Variants in NPHS1 observed in about 807,000 individuals in gnomAD.
NPHS1 encodes nephrin.
A neutral mutation model predicts 139.7 loss-of-function variants in NPHS1; 107 were observed. The ratio of observed to expected loss-of-function variants is 0.77; its 90% CI spans 0.66 to 0.90. The LOEUF (loss-of-function observed/expected upper bound fraction) is 0.90, where lower values mean the gene tolerates loss of function less well. Among genes scored for constraint, NPHS1 ranks in the 40% least tolerant of loss-of-function variants. NPHS1 has a pLI of 0.00. For missense variants in NPHS1, 1,580 were observed against 1,654.2 expected (o/e 0.96, Z 0.78); for synonymous variants, 707 against 706.6 (o/e 1.00, Z -0.01).
rs1973124075 is a variant in NPHS1, at chr19:35,845,480, C to A, written c.1818G>T (p.Arg606Ser). The change falls in exon 14 of 29, where the codon AGG becomes AGT. Residue 606 changes from arginine to serine, a missense_variant. Coordinates refer to ENST00000378910, the MANE Select transcript of NPHS1 (RefSeq NM_004646.4). This position sits in a 1 kb window ranked among gnomAD's most constrained non-coding sequence, Gnocchi z 5.5. ...RAPFKGSAAA[R>S]SVLLQVSSRD... ...GGGATGACACTTGCAGAAGGACGCT[C>A]CTGGCGGCGGCGGAGCCTTTGAATG... 2.0e-5 allele frequency: 32 copies of A among 1,613,850 alleles called. No individual in the cohort carries two copies. Among genetic ancestry groups the A allele is most frequent in the Non-Finnish European group, 2.6e-5 (31 of 1,179,960 alleles).
rs546810048 is a variant in NPHS1 at position 35,843,546 on chromosome 19, C to A, written c.2260G>T (p.Gly754Trp). ...GTGCAGACTATGTCCACAGAACCCC[C>A]GACGTTCACCTCAGTGGGGTCCTGG... is the stretch of plus-strand genomic sequence containing the variant. ...ALQDPTEVNV[G>W]GSVDIVCTVD... Residue 754 changes from glycine (G) to tryptophan (W), a missense_variant, in exon 17 of 29, where the codon GGG (glycine) becomes TGG (tryptophan). Coordinates refer to ENST00000378910, the MANE Select transcript of NPHS1 (RefSeq NM_004646.4). 1 of 1,614,114 alleles carries A rather than the reference C, an allele frequency of 6.2e-7. No individual in the cohort carries two copies. Among genetic ancestry groups the A allele is most frequent in the Admixed American group, 1.7e-5 (1 of 60,026 alleles).
intron 11 of NPHS1, among the ~76,000 whole-genome samples, chr19:35,847,608 G>A (rs577510977): frequency 4.9e-5 from 7 of 141,928 alleles, no homozygotes; most frequent in South Asian, 2.3e-4. Context: ...CGTCTACCTC[G>A]GCCTCCTAAA....
At position 35,850,989 on chromosome 19, in the gene NPHS1, C is replaced by T. The variant is rs1973237311; in HGVS notation, c.498G>A (p.Lys166=). 6.2e-7 allele frequency: 1 copy of T among 1,613,960 alleles called. No individual in the cohort carries two copies. Among genetic ancestry groups the T allele is most frequent in the Non-Finnish European group, 8.5e-7 (1 of 1,180,000 alleles). The change falls in exon 4 of 29, where the codon AAG becomes AAA. Residue 166 remains lysine, a synonymous_variant. Coordinates refer to ENST00000378910, the MANE Select transcript of NPHS1 (RefSeq NM_004646.4). ...GGAGAATGGTGATGTCAGGTGCTGG[C>T]TTCGCGTCCCCAGACACACAGTTGA... The part of the protein sequence containing the change: ...YVVNCVSGDA[K]PAPDITILLS...
At position 35,843,955 on chromosome 19, in the gene NPHS1, G is replaced by A. The variant is rs1973096495; in HGVS notation, c.2212+148C>T. On this transcript the variant is annotated intron_variant, in intron 16 of 28. Transcript: ENST00000378910. ...TAGTGGGAGGGGTTCCGCAGTGGGC[G>A]TGGTTACACCGCGGCTGGGACTTCC... The A allele has an allele frequency of 3.9e-5, 44 of 1,122,880 alleles. No homozygotes were observed. In the South Asian group the frequency reaches 6.4e-4, roughly 16 times the overall value. The allele number at this position is 1,122,880 out of a possible 1,614,324, so 69.6% of individuals were successfully genotyped here. A position where few individuals can be genotyped will look rare whatever the true frequency, so the allele number is the denominator to read the frequency against.
rs145125791 is a variant in NPHS1 at position 35,850,409 on chromosome 19, T to A, written c.563A>T (p.Asn188Ile). 8.0e-3 allele frequency: 12,899 copies of A among 1,614,106 alleles called. 69 individuals carry two copies. The highest frequency in any genetic ancestry group is 0.01 in the Middle Eastern group (61 of 6,060). ...QTISDISANV[N>I]EGSQQKLFTV... ...GAAGAGTTTCTGCTGGGAGCCCTCG[T>A]TCACGTTTGCAGAGATGTCAGATAT... Residue 188 changes from asparagine (N) to isoleucine (I), a missense_variant, in exon 5 of 29, where the codon AAC (asparagine) becomes ATC (isoleucine). Physicochemically the swap from Asn to Ile is moderately radical, Grantham distance 149. Coordinates refer to ENST00000378910, the MANE Select transcript of NPHS1 (RefSeq NM_004646.4).
chr19:35,841,938 C>T, intron 19 of NPHS1, 72 bp from the exon 20 acceptor site: 1 of 1,489,848 alleles, frequency 6.7e-7, no homozygotes, highest in South Asian at 1.2e-5. Flanking sequence ...ATCTATGCAT[C>T]CATCCATTAA....
At chr19:35,833,673 A>AT (rs1167795694) in intron 23 of NPHS1, among the ~76,000 whole-genome samples, 1 of 151,934 alleles carries the variant, frequency 6.6e-6, no homozygotes, top group African/African-American at 2.4e-5. Context: ...CACACTTGGA[A>AT]TTTTTTATTT....
chr19:35,849,232 T>C lies in NPHS1; in HGVS notation c.840+4A>G. On this transcript the variant is annotated splice_donor_region_variant and intron_variant, in intron 7 of 28. Coordinates refer to ENST00000378910, the MANE Select transcript of NPHS1 (RefSeq NM_004646.4). ...CCATTCCCCATGCCCGCGTTTGCCC[T>C]CACCTTCAGCCACTGCAGTGTGGCT... 1 of 1,613,858 alleles carries C rather than the reference T, an allele frequency of 6.2e-7. No individual in the cohort carries two copies. Among genetic ancestry groups the C allele is most frequent in the Non-Finnish European group, 8.5e-7 (1 of 1,180,022 alleles).
intron 19 of NPHS1, 31 bp from the exon 20 acceptor site, chr19:35,841,897 T>C: frequency 6.3e-7 from 1 of 1,584,518 alleles, no homozygotes; most frequent in East Asian, 2.3e-5. Context: ...CACTCACCCT[T>C]CCATTCACCC....
chr19:35,843,192 A>G (rs1238953326), intron 17 of NPHS1, among the ~76,000 whole-genome samples: 1 of 151,876 alleles, frequency 6.6e-6, no homozygotes, highest in Non-Finnish European at 1.5e-5. Context: ...TCACTTGTCC[A>G]TCTGTTCCTC....
In NPHS1 at chr19:35,845,154, CA is replaced by C. The variant is rs1464126352; in HGVS notation, c.1930+213del. Among the ~76,000 whole-genome samples the C allele has an allele frequency of 6.6e-6, 1 of 152,132 alleles. No homozygotes were observed. The highest frequency in any genetic ancestry group is 1.5e-5 in the Non-Finnish European group (1 of 68,028). On this transcript the variant is annotated intron_variant, in intron 14 of 28. Coordinates refer to ENST00000378910, the MANE Select transcript of NPHS1 (RefSeq NM_004646.4). The surrounding 1 kb of genome is among the most constrained non-coding windows in gnomAD (Gnocchi z 5.5). ...GCGTGGTAGCGCACACCTGTAGTCT[CA>C]GCTACTCGGGAGGCTGAGGTGGGAG...
At position 35,845,446 on chromosome 19, in the gene NPHS1, C is replaced by T. The variant is rs1216647003; in HGVS notation, c.1852G>A (p.Gly618Ser). Residue 618 changes from glycine to serine, a missense_variant, in exon 14 of 29, where the codon GGC becomes AGC. By Grantham distance (56) the Gly-to-Ser change is moderately conservative. Coordinates refer to ENST00000378910, the MANE Select transcript of NPHS1 (RefSeq NM_004646.4). The surrounding 1 kb of genome is among the most constrained non-coding windows in gnomAD (Gnocchi z 5.5). ...VLLQVSSRDH[G>S]QRVTCRAHSA... ...TGGGCGCGGCAGGTCACGCGCTGGC[C>T]ATGATCGCGGGATGACACTTGCAGA... is the stretch of plus-strand genomic sequence containing the variant. 1 of 1,614,086 alleles carries T rather than the reference C, an allele frequency of 6.2e-7. No individual in the cohort carries two copies. Among genetic ancestry groups the T allele is most frequent in the African/African-American group, 1.3e-5 (1 of 74,958 alleles).
chr19:35,829,621 C>T (rs1012211298), intron 28 of NPHS1, among the ~76,000 whole-genome samples: 3 of 151,990 alleles, frequency 2.0e-5, no homozygotes, highest in Non-Finnish European at 4.4e-5. Flanking sequence ...TCACTGCAAC[C>T]TCTGCCTCCT....
rs1487823473 is a variant in NPHS1, at chr19:35,851,523, G to T, written c.208C>A (p.Leu70Ile). ...SAVQWAKDGLLLGPDPRIPGF... is the reference protein window; with the variant it reads ...SAVQWAKDGLILGPDPRIPGF... Reference sequence around the variant, plus strand: ...GGGATCCTGGGGTCGGGGCCCAGGAGCAGCCCATCTTTGGCCCATTGCACC... The same window carrying T: ...GGGATCCTGGGGTCGGGGCCCAGGATCAGCCCATCTTTGGCCCATTGCACC... Residue 70 changes from leucine to isoleucine, a missense_variant, in exon 2 of 29, where the codon CTC becomes ATC. Transcript: ENST00000378910. The T allele has an allele frequency of 6.2e-7, 1 of 1,613,816 alleles. No individual in the cohort carries two copies. Among genetic ancestry groups the T allele is most frequent in the Admixed American group, 1.7e-5 (1 of 60,018 alleles).
At position 35,835,689 on chromosome 19, in the gene NPHS1, G is replaced by C. The variant is rs1360318417; in HGVS notation, c.3166+16C>G. Reference sequence around the variant, plus strand: ...TCTCAGGGGAGCCGGGAGGGATCAGGGGACTGAGGACTTGCCTGAAGGTGG... The same window carrying C: ...TCTCAGGGGAGCCGGGAGGGATCAGCGGACTGAGGACTTGCCTGAAGGTGG... On this transcript the variant is annotated intron_variant, in intron 23 of 28. Coordinates refer to ENST00000378910, the MANE Select transcript of NPHS1 (RefSeq NM_004646.4). 6.2e-7 allele frequency: 1 copy of C among 1,612,152 alleles called. No homozygotes were observed. Among genetic ancestry groups the C allele is most frequent in the South Asian group, 1.1e-5 (1 of 91,024 alleles).
rs539716201 is a variant in NPHS1 at position 35,850,444 on chromosome 19, A to G, written c.528T>C (p.Ser176=). 1.8e-4 allele frequency: 297 copies of G among 1,613,984 alleles called. 3 individuals carry two copies. The Middle Eastern group carries it at 2.6e-3, about 14-fold the overall frequency. Reference sequence around the variant, plus strand: ...CAGAGATGTCAGATATTGTCTGTCCACCTTGGGGCAGCAAGAGGGCTAGAG... The same window carrying G: ...CAGAGATGTCAGATATTGTCTGTCCGCCTTGGGGCAGCAAGAGGGCTAGAG... ...KPAPDITILL[S]GQTISDISAN... is the part of the protein sequence containing the mutation. Residue 176 remains serine, a splice_region_variant and synonymous_variant, in exon 5 of 29, where the codon AGT becomes AGC. Transcript: ENST00000378910.
In NPHS1 at chr19:35,848,356, G is replaced by A. The variant is rs1568455701; in HGVS notation, c.1212C>T (p.Phe404=). Residue 404 remains phenylalanine, a synonymous_variant, in exon 10 of 29, where the codon TTC becomes TTT. Coordinates refer to ENST00000378910, the MANE Select transcript of NPHS1 (RefSeq NM_004646.4). The part of the protein sequence containing the change: ...GGHISMSNLT[F]LARREDNGLT... ...GACCGTTGTCCTCCCGCCGCGCCAG[G>A]AATGTCAGGTTGGACATGGAGATGT... 1.2e-6 allele frequency: 2 copies of A among 1,614,004 alleles called. No homozygotes were observed. Among genetic ancestry groups the A allele is most frequent in the Admixed American group, 1.7e-5 (1 of 59,980 alleles).
At chr19:35,849,201 GT>G in intron 7 of NPHS1, 34 bp downstream of exon 7, 1 of 1,613,402 alleles carries the variant, frequency 6.2e-7, no homozygotes, top group South Asian at 1.1e-5. Context: ...AGACCCCACT[GT>G]CCCCCCATTC....
chr19:35,851,155 A>G lies in NPHS1; in HGVS notation c.398-66T>C, dbSNP rs8113675. ...AAGGACTTGAAGATTGGAGTTCGGT[A>G]CCCAGAGTCTGGGAGAGGAGAGGCT... On this transcript the variant is annotated intron_variant, in intron 3 of 28. Coordinates refer to ENST00000378910, the MANE Select transcript of NPHS1 (RefSeq NM_004646.4). 9,730 of 1,613,328 alleles carry G rather than the reference A, an allele frequency of 6.0e-3. 485 individuals carry two copies. In the African/African-American group the frequency reaches 0.11, roughly 18 times the overall value.
Sources: allele counts gnomAD v4.1 joint callset (sites outside exome capture counted in the v4.1 genomes callset), GRCh38; gene constraint gnomAD v4.1.1; non-coding constraint Gnocchi (gnomAD v3.1); transcripts MANE v1.5; gene names NCBI Gene and HGNC (gene_info 2026-07-23, HGNC 2026-07-21).